Variants in CSMD2 observed in about 807,000 individuals in gnomAD.
CSMD2 encodes CUB and sushi domain-containing protein 2.
Under a neutral mutation model 398.5 loss-of-function variants are expected in CSMD2, and 130 were observed. The ratio of observed to expected loss-of-function variants is 0.33; its 90% CI spans 0.28 to 0.38. The LOEUF (loss-of-function observed/expected upper bound fraction) is 0.38, where lower values mean the gene tolerates loss of function less well. CSMD2 is among the 10% of genes least tolerant of loss of function. The pLI is 1.00. For synonymous variants in CSMD2, 1,828 were observed against 1,908.5 expected, an observed-to-expected ratio of 0.96 and a Z score of 1.10; for missense variants, 3,829 against 4,764.9, an observed-to-expected ratio of 0.80 and a Z score of 5.78.
At chr1:33,536,914 T>A in intron 62 of CSMD2, 108 bp downstream of exon 62, 1 of 1,072,918 alleles carries the variant, frequency 9.3e-7, no homozygotes, top group Non-Finnish European at 1.4e-6. Context: ...TTCCAAGCTC[T>A]TGTCCTCCCT....
At chr1:33,620,481 G>C (rs1473151714) in intron 37 of CSMD2, among the ~76,000 whole-genome samples, 1 of 152,178 alleles carries the variant, frequency 6.6e-6, no homozygotes, top group African/African-American at 2.4e-5. Flanking sequence ...CAGTCCCCTT[G>C]GACGAAGAAA....
chr1:33,766,198 G>T (rs79806176), intron 13 of CSMD2, among the ~76,000 whole-genome samples: 15,180 of 152,066 alleles, frequency 0.1, 919 homozygotes, highest in South Asian at 0.16. Flanking sequence ...TGTGTGTGTG[G>T]GTGTTTATGT....
At chr1:33,915,400 A>G (rs1643672433) in intron 5 of CSMD2, among the ~76,000 whole-genome samples, 1 of 152,252 alleles carries the variant, frequency 6.6e-6, no homozygotes, top group Non-Finnish European at 1.5e-5. Flanking sequence ...TTGCTATGCA[A>G]GTATAAATTA....
chr1:34,104,041 T>C (rs1253902497), intron 1 of CSMD2, among the ~76,000 whole-genome samples: 2 of 152,318 alleles, frequency 1.3e-5, no homozygotes, highest in South Asian at 2.1e-4. Context: ...ATCTGCTGAG[T>C]TGCTAAATGT....
chr1:33,772,475 A>C (rs1026695356), intron 13 of CSMD2, 94 bp downstream of exon 13: 4 of 1,106,174 alleles, frequency 3.6e-6, no homozygotes, highest in Non-Finnish European at 5.3e-6. Flanking sequence ...TACAACCTGC[A>C]AGGTTCCCAG....
chr1:33,690,599 GAAGA>G (rs1645202847), intron 25 of CSMD2, among the ~76,000 whole-genome samples: 1 of 152,206 alleles, frequency 6.6e-6, no homozygotes, highest in Non-Finnish European at 1.5e-5. Flanking sequence ...TGCTCCAAGT[GAAGA>G]AAGTGGGAAA....
chr1:33,652,581 G>T (rs534569668), intron 27 of CSMD2, 120 bp from the exon 28 acceptor site: 5 of 1,120,914 alleles, frequency 4.5e-6, no homozygotes, highest in Non-Finnish European at 6.4e-6. Context: ...AGTTGAACCT[G>T]GCTTAGGGAC....
chr1:33,892,625 T>A (rs561792087), intron 5 of CSMD2, among the ~76,000 whole-genome samples: 1 of 152,336 alleles, frequency 6.6e-6, no homozygotes, highest in East Asian at 1.9e-4. Context: ...TCCAGCTCCA[T>A]CCAAGTTGCT....
At chr1:33,621,260 C>T (rs929863203) in intron 37 of CSMD2, among the ~76,000 whole-genome samples, 9 of 152,132 alleles carry the variant, frequency 5.9e-5, no homozygotes, top group African/African-American at 1.9e-4. Flanking sequence ...CTTTGTACTG[C>T]GGGGACCTAA....
At chr1:33,630,162 T>C (rs1039084564) in intron 32 of CSMD2, among the ~76,000 whole-genome samples, 1 of 152,072 alleles carries the variant, frequency 6.6e-6, no homozygotes, top group Non-Finnish European at 1.5e-5. Context: ...TATTTACATC[T>C]ATAGGTCTTA....
At position 33,697,958 on chromosome 1, in the gene CSMD2, C is replaced by T. The variant is rs116100691; in HGVS notation, c.3925+795G>A. Among the ~76,000 whole-genome samples, 369 of 152,236 alleles carry T rather than the reference C, an allele frequency of 2.4e-3. 1 individual carries two copies. Among genetic ancestry groups the T allele is most frequent in the African/African-American group, 8.2e-3 (340 of 41,526 alleles). On this transcript the variant is annotated intron_variant, in intron 24 of 70. Coordinates refer to ENST00000373381, the MANE Select transcript of CSMD2 (RefSeq NM_001281956.2). Reference sequence around the variant, plus strand: ...TTCTTACAAGATTAGCCAGTGCTGGCACAGACACGTTGAGGTTGTGGGACA... The same window carrying T: ...TTCTTACAAGATTAGCCAGTGCTGGTACAGACACGTTGAGGTTGTGGGACA...
intron 5 of CSMD2, chr1:33,863,120 C>T (rs984878599): frequency 6.6e-6 from 1 of 152,158 alleles, no homozygotes; most frequent in African/African-American, 2.4e-5. Context: ...TAATGAAACT[C>T]AGTTTTCTAG....
intron 5 of CSMD2, among the ~76,000 whole-genome samples, chr1:33,867,334 G>A (rs973232295): frequency 1.3e-5 from 2 of 152,164 alleles, no homozygotes; most frequent in Admixed American, 1.3e-4. Context: ...ACTTAATATT[G>A]CAGCAGCCAC....
chr1:34,153,498 T>C (rs1640519482), intron 1 of CSMD2, among the ~76,000 whole-genome samples: 1 of 152,258 alleles, frequency 6.6e-6, no homozygotes, highest in Non-Finnish European at 1.5e-5. Context: ...TTGTGAATAA[T>C]GCTGCTCTGA....
chr1:33,964,843 T>C (rs1266516672), intron 3 of CSMD2, among the ~76,000 whole-genome samples: 3 of 152,148 alleles, frequency 2.0e-5, no homozygotes, highest in Non-Finnish European at 4.4e-5. Flanking sequence ...ATCAGCTGAG[T>C]GACTGGGGAC....
At chr1:34,105,389 A>C (rs1317236550) in intron 1 of CSMD2, among the ~76,000 whole-genome samples, 1 of 152,214 alleles carries the variant, frequency 6.6e-6, no homozygotes, top group African/African-American at 2.4e-5. Flanking sequence ...AATCACCTCT[A>C]GTTGAGAACG....
intron 1 of CSMD2, among the ~76,000 whole-genome samples, chr1:34,159,337 C>CGCT (rs974847403): frequency 5.5e-5 from 5 of 91,548 alleles, no homozygotes; most frequent in East Asian, 5.8e-4. Context: ...TGCCCCCCCC[C>CGCT]CACCCAGGAG....
chr1:33,915,365 A>G (rs949798756), intron 5 of CSMD2, among the ~76,000 whole-genome samples: 2 of 152,224 alleles, frequency 1.3e-5, no homozygotes, highest in African/African-American at 4.8e-5. Flanking sequence ...ATACGTCCTG[A>G]GTCTCCAAGT....
chr1:33,918,848 G>T (rs946932164), intron 4 of CSMD2, among the ~76,000 whole-genome samples: 3 of 152,092 alleles, frequency 2.0e-5, no homozygotes, highest in Admixed American at 6.5e-5. Flanking sequence ...TTTTTTTAAG[G>T]CTCAGTTTGC....
Sources: allele counts gnomAD v4.1 joint callset (sites outside exome capture counted in the v4.1 genomes callset), GRCh38; gene constraint gnomAD v4.1.1; transcripts MANE v1.5; gene names NCBI Gene and HGNC (gene_info 2026-07-23, HGNC 2026-07-21).